The following PLEKHG3 variants were observed in gnomAD, a reference collection of about 807,000 sequenced individuals.
PLEKHG3 encodes the protein pleckstrin homology domain-containing family G member 3.
PLEKHG3 carries 62 observed loss-of-function variants against 94.9 expected under a neutral mutation model. That is an observed-to-expected ratio of 0.65 (90% CI 0.53 to 0.81). The LOEUF (loss-of-function observed/expected upper bound fraction) is 0.81. Among genes scored for constraint, PLEKHG3 ranks in the 30% least tolerant of loss-of-function variants. The probability of loss-of-function intolerance (pLI) is 0.00; values close to 1 mark genes in which losing one functional copy is unlikely to be tolerated. For missense variants in PLEKHG3, 1,461 were observed against 1,619.3 expected, an observed-to-expected ratio of 0.90 and a Z score of 1.68; for synonymous variants, 614 against 654.0, an observed-to-expected ratio of 0.94 and a Z score of 0.93.
Position 64,738,217 on chromosome 14 carries a change from G to C in PLEKHG3, c.1405-525G>C. Reference sequence around the variant, plus strand: ...GCCAACGCTTTACTTTTCTCCCGGGGCGCTATGGTGAGGTGTCTCTTCGAT... The same window carrying C: ...GCCAACGCTTTACTTTTCTCCCGGGCCGCTATGGTGAGGTGTCTCTTCGAT... On this transcript the variant is annotated intron_variant, in intron 14 of 16. Transcript: ENST00000247226. The surrounding 1 kb of genome is among the most constrained non-coding windows in gnomAD (Gnocchi z 4.8). The C allele has an allele frequency of 7.8e-7, 1 of 1,288,278 alleles. No homozygotes were observed. Among genetic ancestry groups the C allele is most frequent in the Non-Finnish European group, 1.0e-6 (1 of 988,748 alleles). 79.8% of individuals were successfully genotyped at this position (1,288,278 alleles called of 1,614,324 possible).
chr14:64,749,590 G>A lies in PLEKHG3; in HGVS notation c.*5887G>A. On this transcript the variant is annotated 3_prime_UTR_variant, in exon 17 of 17. Transcript: ENST00000247226. The surrounding 1 kb of genome is among the most constrained non-coding windows in gnomAD (Gnocchi z 4.7). ...CCTTCTGAGGGGGCCTCCAGGGCAA[G>A]CGGCCTGGGGTCCTCCACCTACCCC... 6 of 1,609,398 alleles carry A rather than the reference G, an allele frequency of 3.7e-6. No homozygotes were observed. The highest frequency in any genetic ancestry group is 5.1e-6 in the Non-Finnish European group (6 of 1,179,090).
In PLEKHG3 at chr14:64,740,362, G is replaced by A. The variant is rs185984464; in HGVS notation, c.1519-674G>A. ...GTTCTGTGGTTCAAATTACTTTCAA[G>A]GTGGTCAAGAGGGAATTCTCAAGTT... On this transcript the variant is annotated intron_variant, in intron 15 of 16. Transcript: ENST00000247226. 1.4e-3 allele frequency among the ~76,000 whole-genome samples: 206 copies of A among 152,368 alleles called. 1 individual carries two copies. The highest frequency in any genetic ancestry group is 4.8e-3 in the African/African-American group (199 of 41,584).
Position 64,733,611 on chromosome 14 carries a change from C to T in PLEKHG3, c.1345+710C>T, listed in dbSNP as rs373522051. ...CTTGGACATGGCGGATGGGCCCAGC[C>T]CAGTCCTGGAACAACCGAGCAGAAG... On this transcript the variant is annotated intron_variant, in intron 12 of 16. Transcript: ENST00000247226. Among the ~76,000 whole-genome samples, 35 of 152,266 alleles carry T rather than the reference C, an allele frequency of 2.3e-4. No individual in the cohort carries two copies. The East Asian group carries it at 6.2e-3, about 27-fold the overall frequency.
At position 64,731,571 on chromosome 14, in the gene PLEKHG3, G is replaced by A; in HGVS notation, c.1032+28G>A. 1 of 1,606,750 alleles carries A rather than the reference G, an allele frequency of 6.2e-7. No homozygotes were observed. ...AACCAGGCCCTGCCCCATCTCCTCT[G>A]CCATCTTCTCTCCTTCCCAAAGGAT... On this transcript the variant is annotated intron_variant, in intron 8 of 16. Transcript: ENST00000247226. The surrounding 1 kb of genome is among the most constrained non-coding windows in gnomAD (Gnocchi z 6.1).
rs574995596 is a variant in PLEKHG3 at position 64,749,520 on chromosome 14, C to G, written c.*5817C>G. On this transcript the variant is annotated 3_prime_UTR_variant, in exon 17 of 17. Coordinates refer to ENST00000247226, the MANE Select transcript of PLEKHG3 (RefSeq NM_001308147.2). The surrounding 1 kb of genome is among the most constrained non-coding windows in gnomAD (Gnocchi z 4.7). Reference sequence around the variant, plus strand: ...TGGAGTCTGGAGGCCCACAGCCCCCCACCTCCCGGGCCAGGCAACAATGGT... The same window carrying G: ...TGGAGTCTGGAGGCCCACAGCCCCCGACCTCCCGGGCCAGGCAACAATGGT... The G allele has an allele frequency of 1.0e-5, 16 of 1,597,554 alleles. No individual in the cohort carries two copies. In the East Asian group the frequency reaches 1.1e-4, roughly 11 times the overall value.
chr14:64,747,641 G>T lies in PLEKHG3; in HGVS notation c.*3938G>T, dbSNP rs116861537. The T allele has an allele frequency of 1.3e-5, 2 of 152,230 alleles. No homozygotes were observed. The highest frequency in any genetic ancestry group is 2.1e-4 in the South Asian group (1 of 4,824). 9.4% of individuals were successfully genotyped at this position (152,230 alleles called of 1,614,324 possible). On this transcript the variant is annotated 3_prime_UTR_variant, in exon 17 of 17. Transcript: ENST00000247226. ...GTCAGCACTCAGGGTTCCTCAGGGG[G>T]CCTCATTCTGGATGCCTGCCCCTGT... is the stretch of plus-strand genomic sequence containing the variant.
chr14:64,740,112 G>T (rs1305885464), intron 15 of PLEKHG3, among the ~76,000 whole-genome samples: 1 of 152,090 alleles, frequency 6.6e-6, no homozygotes, highest in African/African-American at 2.4e-5. Context: ...TTGCAATCTG[G>T]TGTGTATTTT....
In PLEKHG3 at chr14:64,717,627, T is replaced by C. The variant is rs1049849868; in HGVS notation, c.-39-9966T>C. On this transcript the variant is annotated intron_variant, in intron 1 of 16. Transcript: ENST00000247226. The surrounding 1 kb of genome is among the most constrained non-coding windows in gnomAD (Gnocchi z 4.7). Reference sequence around the variant, plus strand: ...AGAGGCAGTTAATTTAAATGTAGTTTCATCTCTTGACGTTCATATTGGGTC... The same window carrying C: ...AGAGGCAGTTAATTTAAATGTAGTTCCATCTCTTGACGTTCATATTGGGTC... Among the ~76,000 whole-genome samples the C allele has an allele frequency of 2.0e-5, 3 of 152,230 alleles. No homozygotes were observed. Among genetic ancestry groups the C allele is most frequent in the African/African-American group, 7.2e-5 (3 of 41,456 alleles).
intron 14 of PLEKHG3, chr14:64,737,796 C>A: frequency 1.2e-6 from 1 of 854,500 alleles, no homozygotes; most frequent in Non-Finnish European, 1.5e-6. Context: ...CCCCCCGCAG[C>A]TGCCTGCAGG....
rs555006947 is a variant in PLEKHG3, at chr14:64,710,326, A to G, written c.-40+5622A>G. Among the ~76,000 whole-genome samples, 7 of 152,330 alleles carry G rather than the reference A, an allele frequency of 4.6e-5. No homozygotes were observed. In the South Asian group the frequency reaches 1.4e-3, roughly 32 times the overall value. On this transcript the variant is annotated intron_variant, in intron 1 of 16. Coordinates refer to ENST00000247226, the MANE Select transcript of PLEKHG3 (RefSeq NM_001308147.2). ...TCTTCTCAGACCCTGTTTAACTTCT[A>G]CATATAAGCTATGTCATGCTATGTT...
At position 64,739,386 on chromosome 14, in the gene PLEKHG3, A is replaced by G. The variant is rs2081639733; in HGVS notation, c.1518+531A>G. 6.6e-6 allele frequency among the ~76,000 whole-genome samples: 1 copy of G among 152,186 alleles called. No homozygotes were observed. The highest frequency in any genetic ancestry group is 2.1e-4 in the South Asian group (1 of 4,832). ...GCTTCTGAGGCGCGGGGCTGAGATC[A>G]GACCTGGGGCTGGGACTCAGAGGCC... is the stretch of plus-strand genomic sequence containing the variant. On this transcript the variant is annotated intron_variant, in intron 15 of 16. Transcript: ENST00000247226. The surrounding 1 kb of genome is among the most constrained non-coding windows in gnomAD (Gnocchi z 4.1).
chr14:64,734,478 C>T (rs377332219), intron 12 of PLEKHG3, among the ~76,000 whole-genome samples: 4 of 152,002 alleles, frequency 2.6e-5, no homozygotes, highest in African/African-American at 4.8e-5. Flanking sequence ...TACTTAAAGC[C>T]GTTGAATTGT....
Position 64,750,207 on chromosome 14 carries a change from A to C in PLEKHG3, c.*6504A>C. 1 of 1,574,112 alleles carries C rather than the reference A, an allele frequency of 6.4e-7. No individual in the cohort carries two copies. The highest frequency in any genetic ancestry group is 2.3e-5 in the East Asian group (1 of 44,304). On this transcript the variant is annotated 3_prime_UTR_variant, in exon 17 of 17. Coordinates refer to ENST00000247226, the MANE Select transcript of PLEKHG3 (RefSeq NM_001308147.2). ...CCACATCCTGATATGGTATCTCTAG[A>C]GTCAATTCCTATAGCTTCACCATTA...
Position 64,738,611 on chromosome 14 carries a change from G to C in PLEKHG3, c.1405-131G>C. The C allele has an allele frequency of 1.5e-6, 1 of 686,994 alleles. No homozygotes were observed. Among genetic ancestry groups the C allele is most frequent in the Middle Eastern group, 2.7e-4 (1 of 3,662 alleles). 42.6% of individuals were successfully genotyped at this position (686,994 alleles called of 1,614,324 possible). On this transcript the variant is annotated intron_variant, in intron 14 of 16. Transcript: ENST00000247226. This position sits in a 1 kb window ranked among gnomAD's most constrained non-coding sequence, Gnocchi z 4.8. ...TGGCAGTTCAGGTTGGCTCTGGAAT[G>C]GCTCAGGTCCAAGACTGGCTCTCAG...
Position 64,725,393 on chromosome 14 carries a change from G to T in PLEKHG3, c.-39-2200G>T, listed in dbSNP as rs2139376594. ...CTGCTGGGATGGTGGTGGTGGGTGG[G>T]TGGGGTGCCTGACTGCAGTGCACTT... On this transcript the variant is annotated intron_variant, in intron 1 of 16. Coordinates refer to ENST00000247226, the MANE Select transcript of PLEKHG3 (RefSeq NM_001308147.2). This position sits in a 1 kb window ranked among gnomAD's most constrained non-coding sequence, Gnocchi z 5.0. 6.6e-6 allele frequency among the ~76,000 whole-genome samples: 1 copy of T among 151,508 alleles called. No individual in the cohort carries two copies.
chr14:64,740,135 G>C lies in PLEKHG3; in HGVS notation c.1519-901G>C, dbSNP rs557737207. Among the ~76,000 whole-genome samples the C allele has an allele frequency of 2.6e-5, 4 of 152,274 alleles. No individual in the cohort carries two copies. In the South Asian group the frequency reaches 8.3e-4, roughly 32 times the overall value. ...TGGTGTGTATTTTATCCCAAGAGCA[G>C]GTTTCCATCTGGCCTAACCCCATTT... is the stretch of plus-strand genomic sequence containing the variant. On this transcript the variant is annotated intron_variant, in intron 15 of 16. Transcript: ENST00000247226.
chr14:64,720,264 C>T lies in PLEKHG3; in HGVS notation c.-39-7329C>T, dbSNP rs756063922. Among the ~76,000 whole-genome samples, 3 of 152,174 alleles carry T rather than the reference C, an allele frequency of 2.0e-5. No homozygotes were observed. Among genetic ancestry groups the T allele is most frequent in the East Asian group, 1.9e-4 (1 of 5,192 alleles). On this transcript the variant is annotated intron_variant, in intron 1 of 16. Transcript: ENST00000247226. The surrounding 1 kb of genome is among the most constrained non-coding windows in gnomAD (Gnocchi z 4.1). The stretch of plus-strand genomic sequence containing the variant: ...ATGTAGCCCAGCGGGGCAGCTATGC[C>T]GTGCTCTAGCTCCCTGTCTGGGGCC...
chr14:64,737,032 C>G (rs1018454632), intron 13 of PLEKHG3, 141 bp downstream of exon 13: 11 of 744,262 alleles, frequency 1.5e-5, no homozygotes, highest in African/African-American at 8.6e-5. Flanking sequence ...CCATTCCCCC[C>G]AGAAGAGGGC....
rs1190156692 is a variant in PLEKHG3 at position 64,749,264 on chromosome 14, C to A, written c.*5561C>A. Reference sequence around the variant, plus strand: ...GAGGCCAAGGCCTGGGCTGCCCGGTCTCTGCGCGTCCCGACTCCGCCGCGC... The same window carrying A: ...GAGGCCAAGGCCTGGGCTGCCCGGTATCTGCGCGTCCCGACTCCGCCGCGC... On this transcript the variant is annotated 3_prime_UTR_variant, in exon 17 of 17. Coordinates refer to ENST00000247226, the MANE Select transcript of PLEKHG3 (RefSeq NM_001308147.2). This position sits in a 1 kb window ranked among gnomAD's most constrained non-coding sequence, Gnocchi z 4.7. 1.9e-6 allele frequency: 3 copies of A among 1,542,556 alleles called. No individual in the cohort carries two copies. The South Asian group carries it at 3.5e-5, about 18-fold the overall frequency.
Sources: gnomAD v4.1 joint callset for allele counts (sites outside exome capture counted in the v4.1 genomes callset) on GRCh38, gnomAD v4.1.1 for gene constraint, Gnocchi (gnomAD v3.1) non-coding constraint, MANE v1.5 for transcripts, NCBI Gene and HGNC (gene_info 2026-07-23, HGNC 2026-07-21) for gene names.